The following CSMD1 variants were observed in gnomAD, a reference collection of about 807,000 sequenced individuals.
CSMD1 encodes CUB and Sushi multiple domains 1.
In CSMD1, 213 loss-of-function variants were observed where a neutral mutation model predicts 417.5. The ratio of observed to expected loss-of-function variants is 0.51; its 90% CI spans 0.46 to 0.57. The LOEUF is 0.57. CSMD1 is among the 20% of genes least tolerant of loss of function. The pLI is 0.00. For missense variants in CSMD1, 6,923 were observed against 4,529.7 expected (o/e 1.53, Z -15.17); for synonymous variants, 2,862 against 1,736.8 (o/e 1.65, Z -16.11).
At chr8:4,721,730 A>G (rs78380280) in intron 1 of CSMD1, among the ~76,000 whole-genome samples, 5,236 of 152,214 alleles carry the variant, frequency 0.034, 307 homozygotes, top group African/African-American at 0.12. Flanking sequence ...AAATGAAACC[A>G]GCACCTCATA....
chr8:4,468,528 G>A (rs1050283656), intron 2 of CSMD1, among the ~76,000 whole-genome samples: 1 of 152,082 alleles, frequency 6.6e-6, no homozygotes. Flanking sequence ...CTTCTTACAT[G>A]AAGGCATTTA....
At chr8:4,102,960 C>T (rs1250855648) in intron 3 of CSMD1, among the ~76,000 whole-genome samples, 2 of 152,140 alleles carry the variant, frequency 1.3e-5, no homozygotes, top group Non-Finnish European at 2.9e-5. Flanking sequence ...TCCCTGATAA[C>T]TTTAACACGT....
intron 3 of CSMD1, among the ~76,000 whole-genome samples, chr8:4,286,824 G>T (rs774862268): frequency 1.3e-5 from 2 of 152,148 alleles, no homozygotes; most frequent in South Asian, 2.1e-4. Context: ...TGATCTTTCA[G>T]TTGCTGTTGC....
chr8:4,393,585 G>A (rs1434697427), intron 3 of CSMD1, among the ~76,000 whole-genome samples: 4 of 152,098 alleles, frequency 2.6e-5, no homozygotes, highest in Non-Finnish European at 5.9e-5. Flanking sequence ...TCTGACTCTC[G>A]TTTCCAATTA....
chr8:3,683,106 C>G (rs1233498252), intron 7 of CSMD1, among the ~76,000 whole-genome samples: 1 of 151,816 alleles, frequency 6.6e-6, no homozygotes, highest in Non-Finnish European at 1.5e-5. Context: ...AAATGACAAG[C>G]TAATGGGTGC....
intron 12 of CSMD1, among the ~76,000 whole-genome samples, chr8:3,441,422 G>T (rs1381463975): frequency 3.3e-5 from 5 of 151,588 alleles, no homozygotes; most frequent in African/African-American, 9.7e-5. Flanking sequence ...AAATGACATT[G>T]ATTTTGAAAT....
chr8:3,110,064 C>G (rs559966837), intron 43 of CSMD1, 94 bp downstream of exon 43: 2 of 1,063,378 alleles, frequency 1.9e-6, no homozygotes, highest in Non-Finnish European at 2.6e-6. Flanking sequence ...GAAGTTTATT[C>G]TAAATATGTG....
intron 7 of CSMD1, among the ~76,000 whole-genome samples, chr8:3,671,402 C>A (rs1799026012): frequency 6.8e-6 from 1 of 146,042 alleles, no homozygotes; most frequent in Non-Finnish European, 1.5e-5. Context: ...GCATATAGAT[C>A]TTAAATACAT....
At chr8:4,115,185 C>A (rs1008577368) in intron 3 of CSMD1, among the ~76,000 whole-genome samples, 1 of 152,218 alleles carries the variant, frequency 6.6e-6, no homozygotes, top group Non-Finnish European at 1.5e-5. Context: ...CTACCCCAGC[C>A]TTCAGCAACT....
At chr8:3,200,979 A>T (rs899013646) in intron 32 of CSMD1, among the ~76,000 whole-genome samples, 3 of 152,160 alleles carry the variant, frequency 2.0e-5, no homozygotes, top group African/African-American at 7.2e-5. Flanking sequence ...AGTGGGGTTA[A>T]ATTGTGCTAT....
At chr8:4,358,425 C>G (rs888238622) in intron 3 of CSMD1, among the ~76,000 whole-genome samples, 2 of 152,192 alleles carry the variant, frequency 1.3e-5, no homozygotes, top group African/African-American at 4.8e-5. Flanking sequence ...ATATGAAATT[C>G]AAATTTCAGT....
rs1816304182 is a variant in CSMD1, at chr8:3,108,653, T to C, written c.6704A>G (p.Lys2235Arg). The C allele has an allele frequency of 6.2e-7, 1 of 1,613,688 alleles. No individual in the cohort carries two copies. The highest frequency in any genetic ancestry group is 1.3e-5 in the African/African-American group (1 of 74,908). Residue 2235 changes from lysine (K) to arginine (R), a missense_variant, in exon 44 of 70, where the codon AAG (lysine) becomes AGG (arginine). Coordinates refer to ENST00000635120, the MANE Select transcript of CSMD1 (RefSeq NM_033225.6). ...TCCATTTGAAAAGTCGCTGTGGAAC[T>C]TGAGCAGGACTTGGTTGGTGGAGCT... The part of the protein sequence containing the change: ...AYSSTNQVLL[K>R]FHSDFSNGGF...
intron 1 of CSMD1, among the ~76,000 whole-genome samples, chr8:4,725,086 C>T (rs182785095): frequency 2.6e-5 from 4 of 151,866 alleles, no homozygotes; most frequent in Admixed American, 6.6e-5. Context: ...ATTTGCGATC[C>T]GAACTTTTCA....
intron 17 of CSMD1, among the ~76,000 whole-genome samples, chr8:3,388,721 T>G (rs920354111): frequency 6.6e-6 from 1 of 152,202 alleles, no homozygotes; most frequent in South Asian, 2.1e-4. Flanking sequence ...TCTATTGCCC[T>G]AAACAACAGA....
rs1026324049 is a variant in CSMD1, at chr8:3,744,552, C to G, written c.931+9378G>C. On this transcript the variant is annotated intron_variant, in intron 6 of 69. Coordinates refer to ENST00000635120, the MANE Select transcript of CSMD1 (RefSeq NM_033225.6). ...AAGATTCGTTTCTTTATTTTCATGT[C>G]AGACTCCCATGACTAGTTTGTCAAT... 5.3e-5 allele frequency among the ~76,000 whole-genome samples: 8 copies of G among 152,130 alleles called. No homozygotes were observed. In the South Asian group the frequency reaches 1.2e-3, roughly 24 times the overall value.
chr8:2,983,662 A>G (rs927464523), intron 54 of CSMD1, among the ~76,000 whole-genome samples: 4 of 152,136 alleles, frequency 2.6e-5, no homozygotes, highest in African/African-American at 9.7e-5. Flanking sequence ...CCCAAAGTAA[A>G]GCACTTCCCA....
At chr8:4,098,341 C>G (rs1406851757) in intron 3 of CSMD1, among the ~76,000 whole-genome samples, 2 of 152,152 alleles carry the variant, frequency 1.3e-5, no homozygotes, top group East Asian at 1.9e-4. Flanking sequence ...AAATGCGTAT[C>G]ATAATAGTGT....
At chr8:3,552,422 G>C (rs1798957028) in intron 10 of CSMD1, among the ~76,000 whole-genome samples, 1 of 152,054 alleles carries the variant, frequency 6.6e-6, no homozygotes, top group Non-Finnish European at 1.5e-5. Context: ...ATAACAATTT[G>C]TGTATTTTTA....
At chr8:3,269,207 G>T (rs1198680065) in intron 26 of CSMD1, among the ~76,000 whole-genome samples, 2 of 152,224 alleles carry the variant, frequency 1.3e-5, no homozygotes, top group East Asian at 1.9e-4. Context: ...AAAGCTGAAT[G>T]CAGCTGTCTT....
Sources: gnomAD v4.1 joint callset for allele counts (sites outside exome capture counted in the v4.1 genomes callset) on GRCh38, gnomAD v4.1.1 for gene constraint, MANE v1.5 for transcripts, NCBI Gene and HGNC (gene_info 2026-07-23, HGNC 2026-07-21) for gene names.